ZNF569: variants seen among roughly 807,000 people sequenced by gnomAD.
The protein encoded by ZNF569 is zinc finger protein 569.
A neutral mutation model predicts 56.3 loss-of-function variants in ZNF569; 38 were observed. That is an observed-to-expected ratio of 0.68 (90% confidence interval 0.52 to 0.88). ZNF569 has a LOEUF of 0.88. Ranked by LOEUF, ZNF569 falls within the 40% of genes least tolerant of loss-of-function variation. The pLI is 0.00. For missense variants in ZNF569, 666 were observed against 809.2 expected (o/e 0.82, Z 2.15); for synonymous variants, 241 against 262.9 (o/e 0.92, Z 0.81).
At chr19:37,467,781 T>C (rs750791461), upstream of ZNF569, 27 of 1,133,794 alleles carry the variant, frequency 2.4e-5, no homozygotes, top group Non-Finnish European at 3.3e-5. Context: ...CGAGAGACCC[T>C]GTCCAGTGAC....
chr19:37,413,963 TGTTTAATAA>T lies in ZNF569; in HGVS notation c.686_694del (p.Leu229_Lys231del). The T allele has an allele frequency of 6.2e-7, 1 of 1,613,566 alleles. No homozygotes were observed. Among genetic ancestry groups the T allele is most frequent in the Non-Finnish European group, 8.5e-7 (1 of 1,179,926 alleles). The stretch of plus-strand genomic sequence containing the variant: ...CTGCTCCCTACTGTGAATTTTATAA[TGTTTAATAA>T]GTTTTTCCTTGTGACTGAAGGCTTT... On this transcript the variant is annotated inframe_deletion, in exon 6 of 6. Coordinates refer to ENST00000316950, the MANE Select transcript of ZNF569 (RefSeq NM_152484.3).
chr19:37,464,529 A>G (rs564583896), intron 2 of ZNF569, among the ~76,000 whole-genome samples: 1 of 152,126 alleles, frequency 6.6e-6, no homozygotes, highest in Admixed American at 6.5e-5. Flanking sequence ...CTGTGTTTAG[A>G]TATGTTTAGA....
Position 37,411,631 on chromosome 19 carries a change from A to C in ZNF569, c.*966T>G, listed in dbSNP as rs1370825554. 1 of 152,130 alleles carries C rather than the reference A, an allele frequency of 6.6e-6. No homozygotes were observed. Among genetic ancestry groups the C allele is most frequent in the Admixed American group, 6.5e-5 (1 of 15,278 alleles). The allele number at this position is 152,130 out of a possible 1,614,324, so 9.4% of individuals were successfully genotyped here. A position where few individuals can be genotyped will look rare whatever the true frequency, so the allele number is the denominator to read the frequency against. Reference sequence around the variant, plus strand: ...AAATCTTGTTACCCTAAAGTAACGGATTCTACTTTCATCATAGTTTTAAAA... The same window carrying C: ...AAATCTTGTTACCCTAAAGTAACGGCTTCTACTTTCATCATAGTTTTAAAA... On this transcript the variant is annotated 3_prime_UTR_variant, in exon 6 of 6. Transcript: ENST00000316950.
intron 2 of ZNF569, among the ~76,000 whole-genome samples, chr19:37,460,212 G>A (rs769566121): frequency 4.6e-5 from 7 of 152,178 alleles, no homozygotes; most frequent in Middle Eastern, 3.4e-3. Context: ...GCAGTGGAAC[G>A]ATCTTGGCTG....
At chr19:37,429,046 G>A (rs2041183087) in intron 3 of ZNF569, among the ~76,000 whole-genome samples, 1 of 152,104 alleles carries the variant, frequency 6.6e-6, no homozygotes, top group South Asian at 2.1e-4. Context: ...TTAAAAAAAA[G>A]AAGAAAATCC....
At chr19:37,467,595 G>A, upstream of ZNF569, 1 of 492,454 alleles carries the variant, frequency 2.0e-6, no homozygotes, top group East Asian at 3.4e-5. Context: ...GTCTTTTTGG[G>A]TCTCTACCTG....
At chr19:37,417,409 G>T (rs144180245) in intron 5 of ZNF569, among the ~76,000 whole-genome samples, 1 of 151,720 alleles carries the variant, frequency 6.6e-6, no homozygotes, top group African/African-American at 2.4e-5. Context: ...TAGAGGCGTG[G>T]TTAATTTTTT....
intron 3 of ZNF569, among the ~76,000 whole-genome samples, chr19:37,437,699 C>T (rs2041334486): frequency 6.6e-6 from 1 of 151,812 alleles, no homozygotes. Flanking sequence ...AACAATCTGA[C>T]AAAAGAAATC....
intron 2 of ZNF569, among the ~76,000 whole-genome samples, chr19:37,463,094 C>T (rs2041779826): frequency 6.6e-6 from 1 of 152,188 alleles, no homozygotes; most frequent in Non-Finnish European, 1.5e-5. Flanking sequence ...CACCTTGTCT[C>T]ATTCACACTC....
Position 37,412,395 on chromosome 19 carries a change from C to A in ZNF569, c.*202G>T. ...TGATTAAATATTATCAATAAGATGT[C>A]TGCTGAAAGTTTCTGGTAACAGCTT... On this transcript the variant is annotated 3_prime_UTR_variant, in exon 6 of 6. Coordinates refer to ENST00000316950, the MANE Select transcript of ZNF569 (RefSeq NM_152484.3). 1.2e-6 allele frequency: 1 copy of A among 849,792 alleles called. No individual in the cohort carries two copies. Among genetic ancestry groups the A allele is most frequent in the Non-Finnish European group, 1.6e-6 (1 of 621,436 alleles). The allele number at this position is 849,792 out of a possible 1,614,324, so 52.6% of individuals were successfully genotyped here.
rs771091714 is a variant in ZNF569, at chr19:37,426,235, T to C, written c.142+17A>G. 27 of 1,592,514 alleles carry C rather than the reference T, an allele frequency of 1.7e-5. No individual in the cohort carries two copies. Among genetic ancestry groups the C allele is most frequent in the Middle Eastern group, 1.7e-4 (1 of 5,962 alleles). ...CTTTCTTTCCAGAGTTTGAATTATATAGTAAATTACTCTTACCTACTGTGA... is the reference window on the plus strand; with the variant it reads ...CTTTCTTTCCAGAGTTTGAATTATACAGTAAATTACTCTTACCTACTGTGA... On this transcript the variant is annotated intron_variant, in intron 4 of 5. Transcript: ENST00000316950.
intron 3 of ZNF569, among the ~76,000 whole-genome samples, chr19:37,443,361 A>G (rs1348046909): frequency 6.6e-6 from 1 of 152,178 alleles, no homozygotes; most frequent in East Asian, 1.9e-4. Context: ...AACAAACAAA[A>G]AAAACCACGG....
chr19:37,437,759 C>T (rs573750254), intron 3 of ZNF569, among the ~76,000 whole-genome samples: 1 of 151,466 alleles, frequency 6.6e-6, no homozygotes, highest in East Asian at 1.9e-4. Flanking sequence ...AGGAGTTAAC[C>T]AAAGAATTGA....
rs747306043 is a variant in ZNF569, at chr19:37,412,673, T to C, written c.1985A>G (p.Tyr662Cys). Residue 662 changes from tyrosine (Y) to cysteine (C), a missense_variant, in exon 6 of 6, where the codon TAT becomes TGT. Tyr to Cys is a radical substitution (Grantham distance 194, BLOSUM62 -2). Transcript: ENST00000316950. ...HMRKHTGEKP[Y>C]HCIECGKAFS... is the part of the protein sequence containing the mutation. ...AGCCTTGCCACACTCAATACAGTGA[T>C]AGGGCTTCTCACCTGTATGTTTTCT... 62 of 1,613,966 alleles carry C rather than the reference T, an allele frequency of 3.8e-5. No homozygotes were observed. In the Admixed American group the frequency reaches 7.3e-4, roughly 19 times the overall value.
chr19:37,448,266 T>C (rs1160859341), intron 2 of ZNF569, among the ~76,000 whole-genome samples: 1 of 152,192 alleles, frequency 6.6e-6, no homozygotes, highest in Non-Finnish European at 1.5e-5. Context: ...GATATACAAC[T>C]ATTCAGGTTA....
At chr19:37,454,319 G>A (rs191634392) in intron 2 of ZNF569, among the ~76,000 whole-genome samples, 5 of 151,922 alleles carry the variant, frequency 3.3e-5, no homozygotes, top group Non-Finnish European at 7.4e-5. Flanking sequence ...TTTGATTCTT[G>A]TTATCTTGGT....
intron 5 of ZNF569, 99 bp from the exon 6 acceptor site, chr19:37,414,518 G>T: frequency 2.1e-6 from 3 of 1,452,686 alleles, no homozygotes; most frequent in Non-Finnish European, 1.8e-6. Flanking sequence ...ACTGATTATT[G>T]GTTTAAGCCC....
intron 3 of ZNF569, among the ~76,000 whole-genome samples, chr19:37,442,955 T>G (rs544955351): frequency 2.0e-5 from 3 of 152,376 alleles, no homozygotes; most frequent in African/African-American, 7.2e-5. Flanking sequence ...AATTCTGTAT[T>G]TCTTCACTGA....
At chr19:37,425,661 C>A in intron 5 of ZNF569, 1 of 421,566 alleles carries the variant, frequency 2.4e-6, no homozygotes, top group East Asian at 3.9e-5. Context: ...GATGAGGTCT[C>A]ACTATGTTGC....
Sources: allele counts gnomAD v4.1 joint callset (sites outside exome capture counted in the v4.1 genomes callset), GRCh38; gene constraint gnomAD v4.1.1; transcripts MANE v1.5; gene names NCBI Gene and HGNC (gene_info 2026-07-23, HGNC 2026-07-21).